The following TBC1D22A variants were observed in gnomAD, a reference collection of about 807,000 sequenced individuals.
TBC1D22A encodes the protein putative GTPase activator.
TBC1D22A carries 38 observed loss-of-function variants against 60.2 expected under a neutral mutation model. That is an observed-to-expected ratio of 0.63 (90% CI 0.49 to 0.83). The LOEUF (loss-of-function observed/expected upper bound fraction) is 0.83. TBC1D22A is among the 40% of genes least tolerant of loss of function. TBC1D22A has a pLI of 0.00. For missense variants in TBC1D22A, 628 were observed against 701.0 expected, an observed-to-expected ratio of 0.90 and a Z score of 1.18; for synonymous variants, 302 against 281.7, an observed-to-expected ratio of 1.07 and a Z score of -0.72.
At chr22:47,148,639 C>CT in intron 12 of TBC1D22A, among the ~76,000 whole-genome samples, 8 of 148,926 alleles carry the variant, frequency 5.4e-5, no homozygotes, top group African/African-American at 1.8e-4. Flanking sequence ...GTCCCTCCCT[C>CT]CCCTGGGTTC....
At chr22:47,165,705 G>A (rs774045326) in intron 12 of TBC1D22A, among the ~76,000 whole-genome samples, 47 of 152,118 alleles carry the variant, frequency 3.1e-4, no homozygotes, top group Non-Finnish European at 5.9e-4. Flanking sequence ...AGACGGAGGG[G>A]TCAAGAGAAA....
At chr22:46,964,243 T>G (rs1027817327) in intron 8 of TBC1D22A, among the ~76,000 whole-genome samples, 8 of 152,208 alleles carry the variant, frequency 5.3e-5, no homozygotes, top group Non-Finnish European at 1.2e-4. Context: ...CAGGGCTGTT[T>G]GCAAATGATA....
chr22:46,962,335 T>C (rs541211920), intron 8 of TBC1D22A, among the ~76,000 whole-genome samples: 45 of 151,614 alleles, frequency 3.0e-4, no homozygotes, highest in African/African-American at 9.9e-4. Context: ...ACCTTGCCAG[T>C]GAGCAGAGCT....
At chr22:47,155,449 A>C (rs2067675474) in intron 12 of TBC1D22A, among the ~76,000 whole-genome samples, 1 of 152,180 alleles carries the variant, frequency 6.6e-6, no homozygotes, top group Admixed American at 6.5e-5. Context: ...ATTGTCAAAG[A>C]AATCGGCTAT....
rs552167823 is a variant in TBC1D22A at position 47,079,324 on chromosome 22, T to A, written c.1330-32184T>A. ...CTGGTGTTGAACTCCTGACCTCAGG[T>A]GATCCACTTGCCTTGGCCTCCCAAA... is the stretch of plus-strand genomic sequence containing the variant. On this transcript the variant is annotated intron_variant, in intron 11 of 12. Transcript: ENST00000337137. Among the ~76,000 whole-genome samples, 11 of 152,288 alleles carry A rather than the reference T, an allele frequency of 7.2e-5. No homozygotes were observed. In the East Asian group the frequency reaches 1.9e-3, roughly 27 times the overall value.
intron 4 of TBC1D22A, among the ~76,000 whole-genome samples, 185 bp downstream of exon 4, chr22:46,797,805 T>A (rs768066048): frequency 1.3e-5 from 2 of 152,248 alleles, no homozygotes; most frequent in Non-Finnish European, 2.9e-5. Context: ...TAGCAATTTG[T>A]GCTTTAGACA....
chr22:46,829,411 G>T (rs1381620656), intron 4 of TBC1D22A, among the ~76,000 whole-genome samples: 1 of 152,176 alleles, frequency 6.6e-6, no homozygotes, highest in African/African-American at 2.4e-5. Context: ...TGTGAGGGAT[G>T]GTCCTGTTGT....
intron 8 of TBC1D22A, among the ~76,000 whole-genome samples, chr22:46,932,198 A>G (rs1361782352): frequency 2.6e-5 from 4 of 152,172 alleles, no homozygotes; most frequent in African/African-American, 7.2e-5. Flanking sequence ...AGGTCATTAC[A>G]TGATCACCTG....
chr22:46,916,104 G>A, intron 8 of TBC1D22A: 1 of 419,158 alleles, frequency 2.4e-6, no homozygotes, highest in South Asian at 2.1e-5. Context: ...TTTGTTTCCA[G>A]TTATGATTTC....
rs2148139227 is a variant in TBC1D22A, at chr22:46,976,210, G to A, written c.1125+1811G>A. Among the ~76,000 whole-genome samples, 3 of 152,276 alleles carry A rather than the reference G, an allele frequency of 2.0e-5. 1 individual carries two copies. The South Asian group carries it at 6.2e-4, about 32-fold the overall frequency. On this transcript the variant is annotated intron_variant, in intron 9 of 12. Coordinates refer to ENST00000337137, the MANE Select transcript of TBC1D22A (RefSeq NM_014346.5). ...CTGCTGTACAATGAAATCGATGCTGGCTTTTTCATTTTTCACCTGAGATTT... is the reference window on the plus strand; with the variant it reads ...CTGCTGTACAATGAAATCGATGCTGACTTTTTCATTTTTCACCTGAGATTT...
At chr22:46,842,718 C>T (rs576994880) in intron 4 of TBC1D22A, among the ~76,000 whole-genome samples, 3 of 152,372 alleles carry the variant, frequency 2.0e-5, no homozygotes, top group Admixed American at 2.0e-4. Context: ...GAACGTTCTC[C>T]AGGGCCCTTT....
In TBC1D22A at chr22:46,887,210, C is replaced by T. The variant is rs535176890; in HGVS notation, c.709-4056C>T. Among the ~76,000 whole-genome samples the T allele has an allele frequency of 1.0e-3, 152 of 152,314 alleles. 1 individual carries two copies. The highest frequency in any genetic ancestry group is 3.5e-3 in the African/African-American group (145 of 41,554). On this transcript the variant is annotated intron_variant, in intron 5 of 12. Coordinates refer to ENST00000337137, the MANE Select transcript of TBC1D22A (RefSeq NM_014346.5). ...TACTCATACTTCACAGATGCAGACA[C>T]GCAATGGCATCCCTTTGTCTCCTGG...
At chr22:46,952,822 T>C (rs2072986376) in intron 8 of TBC1D22A, among the ~76,000 whole-genome samples, 1 of 152,216 alleles carries the variant, frequency 6.6e-6, no homozygotes, top group African/African-American at 2.4e-5. Flanking sequence ...ACTCTGTCCC[T>C]GGTCACCCTC....
intron 11 of TBC1D22A, among the ~76,000 whole-genome samples, chr22:47,109,654 G>T (rs1020068229): frequency 2.0e-5 from 3 of 152,130 alleles, no homozygotes; most frequent in African/African-American, 7.2e-5. Context: ...GTCTCCTACA[G>T]CCTTTTCCAT....
At chr22:46,872,936 A>G (rs2067360428) in intron 4 of TBC1D22A, among the ~76,000 whole-genome samples, 2 of 152,176 alleles carry the variant, frequency 1.3e-5, no homozygotes, top group South Asian at 4.1e-4. Context: ...ACCTGCAGGA[A>G]CCTGGCGAAT....
chr22:46,900,038 T>G (rs918549628), intron 7 of TBC1D22A, among the ~76,000 whole-genome samples: 2 of 15,250 alleles, frequency 1.3e-4, no homozygotes, highest in African/African-American at 2.8e-4. Flanking sequence ...CTACTTTCCT[T>G]CTTCCTCCTT....
chr22:47,153,099 C>G (rs549873729), intron 12 of TBC1D22A, among the ~76,000 whole-genome samples: 24 of 152,320 alleles, frequency 1.6e-4, no homozygotes, highest in African/African-American at 5.8e-4. Context: ...GGCTTCCATT[C>G]TCAGAGGCAC....
At chr22:47,031,930 C>T (rs1053009661) in intron 10 of TBC1D22A, among the ~76,000 whole-genome samples, 1 of 152,134 alleles carries the variant, frequency 6.6e-6, no homozygotes, top group African/African-American at 2.4e-5. Flanking sequence ...GCAAGTGGGG[C>T]AGGAAGGGTT....
chr22:47,086,902 C>T (rs1427117925), intron 11 of TBC1D22A, among the ~76,000 whole-genome samples: 1 of 152,240 alleles, frequency 6.6e-6, no homozygotes, highest in Non-Finnish European at 1.5e-5. Context: ...ATCTACAGGC[C>T]TGTTCATCGT....
Sources: allele counts gnomAD v4.1 joint callset (sites outside exome capture counted in the v4.1 genomes callset), GRCh38; gene constraint gnomAD v4.1.1; transcripts MANE v1.5; gene names NCBI Gene and HGNC (gene_info 2026-07-23, HGNC 2026-07-21).